FBLN7: variants seen among roughly 807,000 people sequenced by gnomAD.
FBLN7 encodes the protein fibulin 7, also known as fibulin-7.
Under a neutral mutation model 44.0 loss-of-function variants are expected in FBLN7, and 31 were observed. That is an observed-to-expected ratio of 0.70 (90% CI 0.53 to 0.95). The LOEUF is 0.95. Ranked by LOEUF, FBLN7 falls within the 40% of genes least tolerant of loss-of-function variation. FBLN7 has a pLI of 0.00. For synonymous variants in FBLN7, 262 were observed against 253.4 expected, an observed-to-expected ratio of 1.03 and a Z score of -0.32; for missense variants, 573 against 618.5, an observed-to-expected ratio of 0.93 and a Z score of 0.78.
the FBLN7 span, among the ~76,000 whole-genome samples, chr2:112,205,294 A>G: frequency 2.0e-5 from 3 of 152,104 alleles, no homozygotes; most frequent in Admixed American, 6.5e-5. Context: ...AGGACATGAC[A>G]CTCAGAAAGC....
intron 5 of FBLN7, among the ~76,000 whole-genome samples, chr2:112,182,527 G>A (rs529784313): frequency 2.6e-5 from 4 of 152,320 alleles, no homozygotes; most frequent in African/African-American, 9.6e-5. Flanking sequence ...GCCTAAGACA[G>A]TGATGCCTTT....
At chr2:112,204,083 G>T in the FBLN7 span, among the ~76,000 whole-genome samples, 10 of 152,002 alleles carry the variant, frequency 6.6e-5, no homozygotes, top group African/African-American at 2.4e-4. Context: ...TCTAAAGGAG[G>T]TTGTCTCATC....
intron 1 of FBLN7, among the ~76,000 whole-genome samples, chr2:112,158,176 C>T (rs968641730): frequency 3.3e-5 from 5 of 152,088 alleles, no homozygotes; most frequent in East Asian, 3.9e-4. Flanking sequence ...GGATTACAGG[C>T]GTGAGCCACC....
At chr2:112,225,607 A>C in the FBLN7 span, among the ~76,000 whole-genome samples, 16 of 152,254 alleles carry the variant, frequency 1.1e-4, no homozygotes, top group Non-Finnish European at 1.8e-4. Context: ...ACTTGAGGTC[A>C]GGAGTTCGAG....
At chr2:112,141,660 C>T (rs891546647) in intron 1 of FBLN7, among the ~76,000 whole-genome samples, 2 of 152,212 alleles carry the variant, frequency 1.3e-5, no homozygotes, top group African/African-American at 4.8e-5. Context: ...AGCCCAATGC[C>T]AGAAGCATAG....
At chr2:112,230,330 T>C in the FBLN7 span, among the ~76,000 whole-genome samples, 2 of 152,236 alleles carry the variant, frequency 1.3e-5, no homozygotes, top group African/African-American at 4.8e-5. Context: ...TTTATGATGA[T>C]ATGATTCTAC....
the FBLN7 span, among the ~76,000 whole-genome samples, chr2:112,204,940 T>C: frequency 2.0e-5 from 3 of 152,242 alleles, no homozygotes; most frequent in Admixed American, 2.0e-4. Flanking sequence ...CACTGTTAAA[T>C]TTTACCTTAT....
Position 112,138,625 on chromosome 2 carries a change from C to G in FBLN7, c.-31C>G. 1.2e-6 allele frequency: 2 copies of G among 1,613,716 alleles called. No individual in the cohort carries two copies. Among genetic ancestry groups the G allele is most frequent in the East Asian group, 4.5e-5 (2 of 44,842 alleles). On this transcript the variant is annotated 5_prime_UTR_variant, in exon 1 of 8. Transcript: ENST00000331203. The stretch of plus-strand genomic sequence containing the variant: ...CGGCAGCGGAGGCAAAGTTATTTCC[C>G]CTCCCAGGCAGCGGGATTCCGACTG...
chr2:112,139,450 T>C (rs1434016670), intron 1 of FBLN7, among the ~76,000 whole-genome samples: 1 of 13,810 alleles, frequency 7.2e-5, no homozygotes, highest in Non-Finnish European at 1.2e-4. Context: ...TCTCTCCAGG[T>C]CAGTGTCCCT....
chr2:112,238,973 T>C, the FBLN7 span, among the ~76,000 whole-genome samples: 6 of 152,244 alleles, frequency 3.9e-5, no homozygotes, highest in African/African-American at 1.4e-4. Flanking sequence ...ACTGTAATGG[T>C]CCATATGAAA....
chr2:112,165,164 C>A lies in FBLN7; in HGVS notation c.399C>A (p.His133Gln). 1 of 1,614,122 alleles carries A rather than the reference C, an allele frequency of 6.2e-7. No individual in the cohort carries two copies. Among genetic ancestry groups the A allele is most frequent in the Middle Eastern group, 1.7e-4 (1 of 6,060 alleles). Residue 133 changes from histidine to glutamine, a missense_variant, in exon 3 of 8, where the codon CAC becomes CAA. Coordinates refer to ENST00000331203, the MANE Select transcript of FBLN7 (RefSeq NM_153214.3). ...GCACCTGGACAGGGGAGCAGCCCCA[C>A]TGTAGAGGTATCGTCTCTCCTTCCC... is the stretch of plus-strand genomic sequence containing the variant. ...PNGTWTGEQP[H>Q]CRGISECSSQ...
At chr2:112,178,626 C>T (rs1682844567) in intron 4 of FBLN7, among the ~76,000 whole-genome samples, 1 of 152,188 alleles carries the variant, frequency 6.6e-6, no homozygotes, top group Non-Finnish European at 1.5e-5. Context: ...AAACCAAATC[C>T]AGCAGCACAT....
At chr2:112,239,295 A>G in the FBLN7 span, among the ~76,000 whole-genome samples, 1 of 152,242 alleles carries the variant, frequency 6.6e-6, no homozygotes, top group Non-Finnish European at 1.5e-5. Flanking sequence ...ACACAGGTAT[A>G]TTAAACTGTA....
chr2:112,172,168 C>T (rs905921486), intron 3 of FBLN7, among the ~76,000 whole-genome samples: 5 of 152,224 alleles, frequency 3.3e-5, no homozygotes. Flanking sequence ...AATTCCTTAA[C>T]ATCATCAATA....
At chr2:112,159,908 G>A in intron 2 of FBLN7, 73 bp downstream of exon 2, 1 of 1,332,712 alleles carries the variant, frequency 7.5e-7, no homozygotes, top group South Asian at 1.7e-5. Context: ...GCTCCCAGCT[G>A]GAGGCCCCTC....
chr2:112,159,649 G>A (rs764182556), intron 1 of FBLN7, 27 bp from the exon 2 acceptor site: 3 of 1,487,224 alleles, frequency 2.0e-6, no homozygotes, highest in Non-Finnish European at 2.7e-6. Context: ...CTCAATGGGT[G>A]GTGGCGGCGA....
chr2:112,211,069 G>C, the FBLN7 span, among the ~76,000 whole-genome samples: 2 of 152,186 alleles, frequency 1.3e-5, no homozygotes, highest in African/African-American at 4.8e-5. Context: ...TCAGCTACTA[G>C]TGGCTGTCCA....
At chr2:112,224,120 G>A in the FBLN7 span, among the ~76,000 whole-genome samples, 1 of 152,124 alleles carries the variant, frequency 6.6e-6, no homozygotes, top group Non-Finnish European at 1.5e-5. Context: ...TCCAGCTTAG[G>A]TGACAGAGTG....
intron 4 of FBLN7, among the ~76,000 whole-genome samples, chr2:112,180,047 C>A (rs1165685167): frequency 3.3e-5 from 5 of 152,180 alleles, no homozygotes; most frequent in African/African-American, 1.2e-4. Context: ...AAGGAGTAAA[C>A]AGACAACCTA....
Sources: gnomAD v4.1 joint callset for allele counts (sites outside exome capture counted in the v4.1 genomes callset) on GRCh38, gnomAD v4.1.1 for gene constraint, MANE v1.5 for transcripts, NCBI Gene and HGNC (gene_info 2026-07-23, HGNC 2026-07-21) for gene names.